The following DOK6 variants were observed in gnomAD, a reference collection of about 807,000 sequenced individuals.
DOK6 encodes downstream of tyrosine kinase 6.
A neutral mutation model predicts 44.0 loss-of-function variants in DOK6; 22 were observed. That is an observed-to-expected ratio of 0.50 (90% CI 0.36 to 0.71). The LOEUF (loss-of-function observed/expected upper bound fraction) is 0.71, where lower values mean the gene tolerates loss of function less well. Ranked by LOEUF, DOK6 falls within the 30% of genes least tolerant of loss-of-function variation. The pLI is 0.00. For synonymous variants in DOK6, 166 were observed against 145.5 expected, an observed-to-expected ratio of 1.14 and a Z score of -1.01; for missense variants, 340 against 416.4, an observed-to-expected ratio of 0.82 and a Z score of 1.60.
In DOK6 at chr18:69,704,826, T is replaced by TC. The variant is rs1430748981; in HGVS notation, c.599+6233_599+6234insC. 2.6e-5 allele frequency among the ~76,000 whole-genome samples: 4 copies of TC among 152,150 alleles called. No individual in the cohort carries two copies. The East Asian group carries it at 7.7e-4, about 29-fold the overall frequency. On this transcript the variant is annotated intron_variant, in intron 5 of 7. Coordinates refer to ENST00000382713, the MANE Select transcript of DOK6 (RefSeq NM_152721.6). Reference sequence around the variant, plus strand: ...AAAGAATGATCCAGAAAAAGATGCTTTTTTTCCCCCCTCTACCCACCCTGG... The same window carrying TC: ...AAAGAATGATCCAGAAAAAGATGCTTCTTTTTCCCCCCTCTACCCACCCTGG...
chr18:69,667,267 G>A (rs1490313745), intron 3 of DOK6, among the ~76,000 whole-genome samples: 1 of 152,070 alleles, frequency 6.6e-6, no homozygotes, highest in Non-Finnish European at 1.5e-5. Context: ...ACTTCCCTCA[G>A]CAGCTATTGT....
rs141197176 is a variant in DOK6 at position 69,611,517 on chromosome 18, C to T, written c.289+12019C>T. On this transcript the variant is annotated intron_variant, in intron 3 of 7. Coordinates refer to ENST00000382713, the MANE Select transcript of DOK6 (RefSeq NM_152721.6). ...ACGTACACACACACACACACACACA[C>T]ACACACACACACCTGAATGTTTATA... Among the ~76,000 whole-genome samples, 37 of 5,318 alleles carry T rather than the reference C, an allele frequency of 7.0e-3. No individual in the cohort carries two copies. In the South Asian group the frequency reaches 0.13, roughly 19 times the overall value. 3.5% of individuals were successfully genotyped at this position (5,318 alleles called of 152,430 possible).
intron 1 of DOK6, among the ~76,000 whole-genome samples, chr18:69,406,823 G>C (rs1599116137): frequency 6.6e-6 from 1 of 152,192 alleles, no homozygotes; most frequent in East Asian, 1.9e-4. Flanking sequence ...GCTCACACCT[G>C]TAATCTCAAC....
chr18:69,423,284 A>G (rs1316924300), intron 1 of DOK6, among the ~76,000 whole-genome samples: 1 of 138,882 alleles, frequency 7.2e-6, no homozygotes, highest in African/African-American at 2.7e-5. Flanking sequence ...CATGGACAAC[A>G]GAGTGAGATC....
At chr18:69,556,306 A>G (rs1016632793) in intron 1 of DOK6, among the ~76,000 whole-genome samples, 2 of 151,938 alleles carry the variant, frequency 1.3e-5, no homozygotes, top group Admixed American at 1.3e-4. Context: ...TACCTGTGCA[A>G]TTCTCTCTGG....
At chr18:69,643,182 G>T (rs1984986807) in intron 3 of DOK6, among the ~76,000 whole-genome samples, 1 of 152,196 alleles carries the variant, frequency 6.6e-6, no homozygotes, top group Non-Finnish European at 1.5e-5. Flanking sequence ...ATAACAGAGA[G>T]CCCAACGGTA....
At chr18:69,414,133 T>G (rs115427496) in intron 1 of DOK6, among the ~76,000 whole-genome samples, 321 of 152,158 alleles carry the variant, frequency 2.1e-3, no homozygotes, top group African/African-American at 7.0e-3. Flanking sequence ...GGTCACTCAT[T>G]ACTGGCGGGA....
At chr18:69,837,803 C>T (rs1180602353) in intron 7 of DOK6, among the ~76,000 whole-genome samples, 3 of 152,196 alleles carry the variant, frequency 2.0e-5, no homozygotes, top group South Asian at 2.1e-4. Flanking sequence ...AGTTTGCACA[C>T]TGTGCAGAGG....
intron 7 of DOK6, among the ~76,000 whole-genome samples, chr18:69,795,402 T>C (rs1415943889): frequency 2.6e-5 from 4 of 152,196 alleles, no homozygotes; most frequent in African/African-American, 9.6e-5. Flanking sequence ...AAAAACGTGA[T>C]GAAGGATATG....
At chr18:69,612,391 A>C (rs1984163189) in intron 3 of DOK6, among the ~76,000 whole-genome samples, 1 of 43,838 alleles carries the variant, frequency 2.3e-5, no homozygotes, top group Non-Finnish European at 4.5e-5. Flanking sequence ...TATGAGCACG[A>C]AGAGACTTTG....
At chr18:69,693,374 A>C (rs1349758714) in intron 4 of DOK6, among the ~76,000 whole-genome samples, 1 of 151,710 alleles carries the variant, frequency 6.6e-6, no homozygotes, top group Non-Finnish European at 1.5e-5. Context: ...ATTTCTTCTA[A>C]CTAACATACA....
chr18:69,795,839 A>G (rs1980728167), intron 7 of DOK6, among the ~76,000 whole-genome samples: 1 of 152,196 alleles, frequency 6.6e-6, no homozygotes, highest in Admixed American at 6.5e-5. Context: ...AGTGGGAAAG[A>G]AGAGAGAAAC....
At chr18:69,546,086 T>G (rs1982396109) in intron 1 of DOK6, among the ~76,000 whole-genome samples, 1 of 151,224 alleles carries the variant, frequency 6.6e-6, no homozygotes, top group Non-Finnish European at 1.5e-5. Flanking sequence ...GAGACCAGGC[T>G]AGCCAACATC....
intron 1 of DOK6, among the ~76,000 whole-genome samples, chr18:69,461,243 G>C (rs1196999160): frequency 6.6e-6 from 1 of 152,070 alleles, no homozygotes; most frequent in African/African-American, 2.4e-5. Context: ...AGAAGCACTT[G>C]CAATCTTATC....
At chr18:69,622,682 G>A (rs1346156266) in intron 3 of DOK6, among the ~76,000 whole-genome samples, 1 of 152,144 alleles carries the variant, frequency 6.6e-6, no homozygotes, top group Non-Finnish European at 1.5e-5. Context: ...GAACTTGAAG[G>A]TATTGAATGG....
At chr18:69,588,445 G>A (rs553673498) in intron 2 of DOK6, among the ~76,000 whole-genome samples, 1 of 152,230 alleles carries the variant, frequency 6.6e-6, no homozygotes, top group South Asian at 2.1e-4. Context: ...GGCAGCTGTA[G>A]CATTTCTTAG....
chr18:69,717,111 T>A (rs1986901472), intron 5 of DOK6, among the ~76,000 whole-genome samples: 1 of 152,222 alleles, frequency 6.6e-6, no homozygotes, highest in African/African-American at 2.4e-5. Flanking sequence ...TATATAAACT[T>A]GTGAATTCTG....
At chr18:69,423,774 C>A (rs1410750092) in intron 1 of DOK6, among the ~76,000 whole-genome samples, 4 of 152,086 alleles carry the variant, frequency 2.6e-5, no homozygotes, top group Non-Finnish European at 4.4e-5. Context: ...TCCAAACATA[C>A]AAAGAACATA....
chr18:69,460,886 A>G (rs149246842), intron 1 of DOK6, among the ~76,000 whole-genome samples: 55 of 152,272 alleles, frequency 3.6e-4, no homozygotes, highest in African/African-American at 1.2e-3. Flanking sequence ...CAGAGCAGCA[A>G]CACTTTCTGC....
Sources: allele counts gnomAD v4.1 joint callset (sites outside exome capture counted in the v4.1 genomes callset), GRCh38; gene constraint gnomAD v4.1.1; transcripts MANE v1.5; gene names NCBI Gene and HGNC (gene_info 2026-07-23, HGNC 2026-07-21).